Variants in CALN1 observed in about 807,000 individuals in gnomAD.
The protein encoded by CALN1 is calcium-binding protein 8.
CALN1 carries 17 observed loss-of-function variants against 30.6 expected under a neutral mutation model. That is an observed-to-expected ratio of 0.56 (90% CI 0.38 to 0.83). The LOEUF (loss-of-function observed/expected upper bound fraction) is 0.83. Among genes scored for constraint, CALN1 ranks in the 40% least tolerant of loss-of-function variants. The pLI, the probability that CALN1 is intolerant of heterozygous loss-of-function variation, is 0.00. For synonymous variants in CALN1, 156 were observed against 131.4 expected, an observed-to-expected ratio of 1.19 and a Z score of -1.28; for missense variants, 291 against 354.9, an observed-to-expected ratio of 0.82 and a Z score of 1.45.
the CALN1 span, among the ~76,000 whole-genome samples, chr7:72,496,504 G>C: frequency 3.9e-5 from 6 of 152,174 alleles, no homozygotes; most frequent in African/African-American, 7.2e-5. Context: ...AAAAATGGAA[G>C]TACACAATGT....
chr7:72,431,003 C>A (rs182148148), intron 1 of CALN1, among the ~76,000 whole-genome samples: 104 of 141,496 alleles, frequency 7.4e-4, no homozygotes, highest in African/African-American at 2.5e-3. Flanking sequence ...AGTCTCGGCT[C>A]ACTGCAACCT....
Position 71,974,114 on chromosome 7 carries a change from C to A in CALN1, c.501+49543G>T, listed in dbSNP as rs113658258. 7.1e-3 allele frequency among the ~76,000 whole-genome samples: 1,076 copies of A among 152,146 alleles called. 7 individuals carry two copies. The highest frequency in any genetic ancestry group is 0.012 in the Non-Finnish European group (826 of 68,000). On this transcript the variant is annotated intron_variant, in intron 5 of 6. Transcript: ENST00000395275. ...GATGATCTTTATTAACTTGGATCAT[C>A]CTTGCAATAAAGACACAGCTTGGCT...
At chr7:72,389,519 T>C (rs141118450) in intron 2 of CALN1, among the ~76,000 whole-genome samples, 2 of 152,218 alleles carry the variant, frequency 1.3e-5, no homozygotes, top group Non-Finnish European at 2.9e-5. Flanking sequence ...AAGCTTTCAC[T>C]GCCCGTGAAG....
At chr7:71,799,829 A>C (rs920861637) in intron 6 of CALN1, among the ~76,000 whole-genome samples, 2 of 152,094 alleles carry the variant, frequency 1.3e-5, no homozygotes, top group African/African-American at 2.4e-5. Flanking sequence ...TGTGCTGTGA[A>C]GGGTCCCCAA....
chr7:72,458,131 A>AT, the CALN1 span, among the ~76,000 whole-genome samples: 1 of 72,952 alleles, frequency 1.4e-5, no homozygotes, highest in African/African-American at 3.9e-5. Flanking sequence ...TGGTTTTATA[A>AT]ATATATATAT....
rs561984239 is a variant in CALN1, at chr7:72,403,345, C to T, written c.25G>A (p.Glu9Lys). Residue 9 changes from glutamate to lysine, a missense_variant, in exon 2 of 7, where the codon GAG becomes AAG. This residue lies in a region of CALN1 where 122 missense variants were observed against 103.2 expected (regional missense o/e 1.18). Transcript: ENST00000395275. Reference protein sequence around the residue: MRLPEQPGEGKPENEKKGD... With the variant: MRLPEQPGKGKPENEKKGD... The stretch of plus-strand genomic sequence containing the variant: ...TTTTTCTCATTCTCGGGCTTCCCCT[C>T]TCCGGGTTGCTCTGGCAGCCGCATC... 1 of 1,548,596 alleles carries T rather than the reference C, an allele frequency of 6.5e-7. No homozygotes were observed. Among genetic ancestry groups the T allele is most frequent in the Non-Finnish European group, 8.7e-7 (1 of 1,146,932 alleles).
chr7:71,832,569 T>C (rs1186546941), intron 5 of CALN1, among the ~76,000 whole-genome samples: 1 of 152,020 alleles, frequency 6.6e-6, no homozygotes, highest in Non-Finnish European at 1.5e-5. Flanking sequence ...TCCTTCATCA[T>C]TGAGTCCAAG....
chr7:72,449,668 C>A (rs992203683), upstream of CALN1, among the ~76,000 whole-genome samples: 1 of 151,874 alleles, frequency 6.6e-6, no homozygotes, highest in African/African-American at 2.4e-5. Flanking sequence ...GTCAGGAGAT[C>A]GAGACCATCC....
At chr7:72,337,779 C>G (rs1279630793) in intron 2 of CALN1, 1 of 152,514 alleles carries the variant, frequency 6.6e-6, no homozygotes, top group Non-Finnish European at 1.5e-5. Context: ...GCCCACCCAC[C>G]AGCGATCCCA....
intron 4 of CALN1, among the ~76,000 whole-genome samples, chr7:72,071,728 C>T (rs999783251): frequency 6.6e-6 from 1 of 152,056 alleles, no homozygotes; most frequent in African/African-American, 2.4e-5. Flanking sequence ...ACAAGACATA[C>T]AAAGAAACAG....
At chr7:71,958,316 C>A (rs553783637) in intron 5 of CALN1, among the ~76,000 whole-genome samples, 5 of 152,136 alleles carry the variant, frequency 3.3e-5, no homozygotes, top group Non-Finnish European at 5.9e-5. Flanking sequence ...TTGCCCTATT[C>A]TCATACTGGT....
At chr7:71,929,795 G>A (rs552619304) in intron 5 of CALN1, among the ~76,000 whole-genome samples, 63 of 152,230 alleles carry the variant, frequency 4.1e-4, no homozygotes, top group African/African-American at 1.3e-3. Context: ...TTGTTCAGCC[G>A]TTTGAGGGAT....
chr7:72,162,846 A>G (rs1409737882), intron 3 of CALN1, among the ~76,000 whole-genome samples: 2 of 152,224 alleles, frequency 1.3e-5, no homozygotes, highest in East Asian at 1.9e-4. Context: ...ACTTAAGGAT[A>G]ACTTAAAGTC....
At chr7:71,970,750 G>A (rs1311477556) in intron 5 of CALN1, among the ~76,000 whole-genome samples, 1 of 152,166 alleles carries the variant, frequency 6.6e-6, no homozygotes, top group Non-Finnish European at 1.5e-5. Flanking sequence ...GAGAAGGGAA[G>A]TGCTCCTTAT....
upstream of CALN1, among the ~76,000 whole-genome samples, chr7:72,413,324 CAT>C (rs1198280006): frequency 1.3e-5 from 2 of 151,380 alleles, no homozygotes; most frequent in Non-Finnish European, 2.9e-5. Context: ...CACACACTAA[CAT>C]ACACTCACAT....
chr7:71,831,337 G>A lies in CALN1; in HGVS notation c.502-20845C>T, dbSNP rs553367072. On this transcript the variant is annotated intron_variant, in intron 5 of 6. Transcript: ENST00000395275. ...CTACTAAAAATACAAAAAATTAGCC[G>A]GGTGCAGTGGCGTATGCCTGTAATC... Among the ~76,000 whole-genome samples, 10 of 152,104 alleles carry A rather than the reference G, an allele frequency of 6.6e-5. No homozygotes were observed. The East Asian group carries it at 7.7e-4, about 12-fold the overall frequency.
chr7:71,861,519 T>C (rs1791275564), intron 5 of CALN1, among the ~76,000 whole-genome samples: 1 of 152,030 alleles, frequency 6.6e-6, no homozygotes, highest in African/African-American at 2.4e-5. Context: ...CTCACACCTG[T>C]AATCCCAACA....
chr7:72,099,557 T>C (rs941622744), intron 4 of CALN1, among the ~76,000 whole-genome samples: 20 of 151,810 alleles, frequency 1.3e-4, no homozygotes, highest in African/African-American at 4.4e-4. Flanking sequence ...ACCTGAGAAG[T>C]TTACTCATTG....
intron 5 of CALN1, among the ~76,000 whole-genome samples, chr7:71,905,721 A>G (rs1794096951): frequency 6.6e-6 from 1 of 152,142 alleles, no homozygotes; most frequent in Non-Finnish European, 1.5e-5. Flanking sequence ...GGTACCTGGA[A>G]TATGTCCTCT....
Sources: gnomAD v4.1 joint callset for allele counts (sites outside exome capture counted in the v4.1 genomes callset) on GRCh38, gnomAD v4.1.1 for gene constraint, gnomAD v4.1.1 regional missense constraint, MANE v1.5 for transcripts, NCBI Gene and HGNC (gene_info 2026-07-23, HGNC 2026-07-21) for gene names.